The following CTSO variants were observed in gnomAD, a reference collection of about 807,000 sequenced individuals.
The protein encoded by CTSO is cathepsin O.
Under a neutral mutation model 42.4 loss-of-function variants are expected in CTSO, and 40 were observed. The ratio of observed to expected loss-of-function variants is 0.94; its 90% CI spans 0.73 to 1.23. The LOEUF (loss-of-function observed/expected upper bound fraction) is 1.23, where lower values mean the gene tolerates loss of function less well. Ranked by LOEUF, CTSO falls within the 50% of genes most tolerant of loss-of-function variation. CTSO has a pLI of 0.00. For missense variants in CTSO, 441 were observed against 396.0 expected (o/e 1.11, Z -0.96); for synonymous variants, 156 against 146.2 (o/e 1.07, Z -0.48).
chr4:155,927,958 G>T (rs1743160549), intron 7 of CTSO, among the ~76,000 whole-genome samples: 1 of 152,030 alleles, frequency 6.6e-6, no homozygotes, highest in Non-Finnish European at 1.5e-5. Flanking sequence ...TCATTGAGCA[G>T]ATATTATAAT....
In CTSO at chr4:155,925,910, C is replaced by G. The variant is rs1743120788; in HGVS notation, c.*126G>C. On this transcript the variant is annotated 3_prime_UTR_variant, in exon 8 of 8. Coordinates refer to ENST00000433477, the MANE Select transcript of CTSO (RefSeq NM_001334.3). ...ATTCTGAAACTTAGTTTAAATACTA[C>G]TAGGCCTTAGAATCTTTTGTAGGTA... 2.5e-6 allele frequency: 2 copies of G among 808,334 alleles called. No individual in the cohort carries two copies. The highest frequency in any genetic ancestry group is 4.0e-6 in the Non-Finnish European group (2 of 497,344). The allele number at this position is 808,334 out of a possible 1,614,324, so 50.1% of individuals were successfully genotyped here. A position where few individuals can be genotyped will look rare whatever the true frequency, so the allele number is the denominator to read the frequency against.
At chr4:155,936,807 T>G (rs1272205769) in intron 5 of CTSO, among the ~76,000 whole-genome samples, 1 of 152,232 alleles carries the variant, frequency 6.6e-6, no homozygotes, top group Non-Finnish European at 1.5e-5. Context: ...TTATCTTCAG[T>G]AGTATATGCT....
intron 4 of CTSO, among the ~76,000 whole-genome samples, chr4:155,937,741 A>T (rs1743357225): frequency 6.6e-6 from 1 of 151,852 alleles, no homozygotes; most frequent in Admixed American, 6.6e-5. Context: ...CCGTCTCCCC[A>T]GTAGCTGTGA....
Position 155,947,924 on chromosome 4 carries a change from T to C in CTSO, c.136-4660A>G, listed in dbSNP as rs144988658. 3.8e-4 allele frequency among the ~76,000 whole-genome samples: 58 copies of C among 152,326 alleles called. No individual in the cohort carries two copies. In the East Asian group the frequency reaches 7.7e-3, roughly 20 times the overall value. ...TTATGAGAGGAAAGACGTAAAGTTT[T>C]GATGAATACATAGGAAACTTCTCAT... On this transcript the variant is annotated intron_variant, in intron 1 of 7. Transcript: ENST00000433477.
intron 1 of CTSO, among the ~76,000 whole-genome samples, chr4:155,944,283 T>A (rs146146430): frequency 1.3e-5 from 2 of 152,196 alleles, no homozygotes; most frequent in East Asian, 3.8e-4. Flanking sequence ...ATAATCTTAT[T>A]TTTTTTCCTT....
chr4:155,937,169 T>C (rs998083053), intron 5 of CTSO, among the ~76,000 whole-genome samples, 193 bp downstream of exon 5: 62 of 152,262 alleles, frequency 4.1e-4, no homozygotes, highest in African/African-American at 1.4e-3. Context: ...TAATGACACT[T>C]GGGAAAATAA....
chr4:155,934,362 T>A (rs1009143248), intron 5 of CTSO, among the ~76,000 whole-genome samples: 21 of 152,192 alleles, frequency 1.4e-4, no homozygotes, highest in African/African-American at 5.1e-4. Context: ...AGGGCCCTCA[T>A]GGAAAACCTC....
chr4:155,941,421 C>T (rs1212109089), intron 3 of CTSO, among the ~76,000 whole-genome samples: 1 of 152,216 alleles, frequency 6.6e-6, no homozygotes, highest in African/African-American at 2.4e-5. Flanking sequence ...TTACCACTTT[C>T]CTTCCTAGTT....
At chr4:155,928,983 G>A (rs1290355246) in intron 6 of CTSO, among the ~76,000 whole-genome samples, 2 of 152,118 alleles carry the variant, frequency 1.3e-5, no homozygotes, top group South Asian at 2.1e-4. Flanking sequence ...TGACGCCCAC[G>A]CTGGAAGGTT....
chr4:155,941,813 G>A (rs751092950), intron 3 of CTSO, among the ~76,000 whole-genome samples: 1 of 152,178 alleles, frequency 6.6e-6, no homozygotes, highest in Admixed American at 6.5e-5. Flanking sequence ...TGTGAAGACG[G>A]GGGCAGATTT....
chr4:155,927,271 A>T (rs1045314242), intron 7 of CTSO, among the ~76,000 whole-genome samples: 2 of 152,178 alleles, frequency 1.3e-5, no homozygotes, highest in African/African-American at 4.8e-5. Context: ...TTCTGCATTT[A>T]AAAAAATTGT....
chr4:155,938,525 C>A (rs1347017328), intron 4 of CTSO, among the ~76,000 whole-genome samples: 1 of 152,158 alleles, frequency 6.6e-6, no homozygotes, highest in Non-Finnish European at 1.5e-5. Flanking sequence ...CTGGGGTATA[C>A]TGAGCAAAGC....
At chr4:155,942,235 C>A in intron 3 of CTSO, 82 bp downstream of exon 3, 2 of 1,141,344 alleles carry the variant, frequency 1.8e-6, no homozygotes, top group East Asian at 5.9e-5. Context: ...ATGATGTTTC[C>A]ATTACAACTT....
intron 1 of CTSO, among the ~76,000 whole-genome samples, chr4:155,948,515 T>C (rs1289507512): frequency 6.6e-6 from 1 of 152,110 alleles, no homozygotes; most frequent in Non-Finnish European, 1.5e-5. Flanking sequence ...GGATGCTTCA[T>C]GAGTATGCTA....
At position 155,926,086 on chromosome 4, in the gene CTSO, G is replaced by T. The variant is rs111714078; in HGVS notation, c.932-16C>A. 7 of 508,844 alleles carry T rather than the reference G, an allele frequency of 1.4e-5. No individual in the cohort carries two copies. The highest frequency in any genetic ancestry group is 5.7e-5 in the African/African-American group (3 of 53,062). 31.5% of individuals were successfully genotyped at this position (508,844 alleles called of 1,614,324 possible). On this transcript the variant is annotated splice_polypyrimidine_tract_variant and intron_variant, in intron 7 of 7. Coordinates refer to ENST00000433477, the MANE Select transcript of CTSO (RefSeq NM_001334.3). ...TCTGCAATACCTAAGGGAAAAAAAA[G>T]GAATTATTAGTCTATTTCCTCTTTA...
chr4:155,944,346 T>C (rs1286795130), intron 1 of CTSO, among the ~76,000 whole-genome samples: 1 of 152,204 alleles, frequency 6.6e-6, no homozygotes, highest in Non-Finnish European at 1.5e-5. Context: ...GTTTTTGAGG[T>C]ACTTTAAAAT....
intron 5 of CTSO, among the ~76,000 whole-genome samples, chr4:155,933,511 G>A (rs910310902): frequency 6.6e-6 from 1 of 152,182 alleles, no homozygotes; most frequent in Non-Finnish European, 1.5e-5. Flanking sequence ...TTGGAACTGG[G>A]TAATAGGCAG....
At chr4:155,934,080 G>A (rs988978569) in intron 5 of CTSO, among the ~76,000 whole-genome samples, 6 of 152,124 alleles carry the variant, frequency 3.9e-5, no homozygotes, top group African/African-American at 7.2e-5. Context: ...TCACAGGCTC[G>A]GAGGCCCAGA....
chr4:155,946,679 G>T (rs898596841), intron 1 of CTSO, among the ~76,000 whole-genome samples: 2 of 152,034 alleles, frequency 1.3e-5, no homozygotes, highest in African/African-American at 4.8e-5. Context: ...CCATGTCAGG[G>T]CTACTCAATC....
Sources: allele counts gnomAD v4.1 joint callset (sites outside exome capture counted in the v4.1 genomes callset), GRCh38; gene constraint gnomAD v4.1.1; transcripts MANE v1.5; gene names NCBI Gene and HGNC (gene_info 2026-07-23, HGNC 2026-07-21).